MRE11: variants seen among roughly 807,000 people sequenced by gnomAD.
MRE11 encodes double-strand break repair protein MRE11.
Under a neutral mutation model 91.7 loss-of-function variants are expected in MRE11, and 62 were observed. That is an observed-to-expected ratio of 0.68 (90% confidence interval 0.55 to 0.84). The LOEUF is 0.84. Among genes scored for constraint, MRE11 ranks in the 40% least tolerant of loss-of-function variants. The probability of loss-of-function intolerance (pLI) is 0.00; values close to 1 mark genes in which losing one functional copy is unlikely to be tolerated. For missense variants in MRE11, 796 were observed against 852.9 expected (o/e 0.93, Z 0.83); for synonymous variants, 273 against 271.4 (o/e 1.01, Z -0.06).
At chr11:94,423,633 CTG>C (rs1368817936) in intron 19 of MRE11, among the ~76,000 whole-genome samples, 5 of 152,232 alleles carry the variant, frequency 3.3e-5, no homozygotes, top group Non-Finnish European at 5.9e-5. Flanking sequence ...CCAAGCTGCC[CTG>C]CAGGAATGTG....
At chr11:94,428,619 T>C (rs1351601561) in intron 19 of MRE11, among the ~76,000 whole-genome samples, 2 of 152,046 alleles carry the variant, frequency 1.3e-5, no homozygotes, top group African/African-American at 4.8e-5. Context: ...ATCCCAGCAC[T>C]TTGGGAGGCC....
chr11:94,438,532 A>C (rs1425791359), intron 16 of MRE11, among the ~76,000 whole-genome samples: 1 of 152,168 alleles, frequency 6.6e-6, no homozygotes, highest in Non-Finnish European at 1.5e-5. Flanking sequence ...TCCAGTGATC[A>C]TGATGATTTC....
Position 94,421,343 on chromosome 11 carries a change from T to A in MRE11, c.2071-1162A>T, listed in dbSNP as rs143180962. 5.9e-4 allele frequency among the ~76,000 whole-genome samples: 90 copies of A among 152,344 alleles called. 3 individuals carry two copies. In the East Asian group the frequency reaches 0.015, roughly 26 times the overall value. ...TTCCAAATGTTAGCTAAATTAACTA[T>A]CTCTGATGAGTAATGGATGCCTTAA... On this transcript the variant is annotated intron_variant, in intron 19 of 19. Transcript: ENST00000323929.
At chr11:94,494,958 A>G (rs1257770058), upstream of MRE11, among the ~76,000 whole-genome samples, 5 of 152,192 alleles carry the variant, frequency 3.3e-5, no homozygotes, top group Non-Finnish European at 7.3e-5. Flanking sequence ...AAAAAGTGGA[A>G]GCTCCAGGAG....
chr11:94,478,294 GCT>G (rs1946923868), intron 6 of MRE11, among the ~76,000 whole-genome samples: 1 of 152,108 alleles, frequency 6.6e-6, no homozygotes, highest in Non-Finnish European at 1.5e-5. Context: ...TTCACTTCCT[GCT>G]CTTTCACTTG....
At chr11:94,472,415 G>A (rs13447628) in intron 7 of MRE11, among the ~76,000 whole-genome samples, 2 of 152,022 alleles carry the variant, frequency 1.3e-5, no homozygotes, top group South Asian at 2.1e-4. Context: ...GTTTAACCAA[G>A]CATTCATTTA....
intron 11 of MRE11, among the ~76,000 whole-genome samples, chr11:94,461,962 C>T (rs939860531): frequency 6.6e-6 from 1 of 152,108 alleles, no homozygotes; most frequent in Non-Finnish European, 1.5e-5. Context: ...GTAGTCCCAG[C>T]GACTCGGGAG....
intron 14 of MRE11, among the ~76,000 whole-genome samples, chr11:94,451,035 T>TCTAATCCCC (rs59302226): frequency 0.17 from 25,903 of 151,828 alleles, 2,933 homozygotes; most frequent in African/African-American, 0.32. Flanking sequence ...AGCTCACATC[T>TCTAATCCCC]ATACTTTGGG....
At chr11:94,477,507 G>T (rs957848885) in intron 6 of MRE11, among the ~76,000 whole-genome samples, 7 of 152,224 alleles carry the variant, frequency 4.6e-5, no homozygotes, top group African/African-American at 1.7e-4. Flanking sequence ...CTTTATATAC[G>T]GATTAGAGAG....
At position 94,485,394 on chromosome 11, in the gene MRE11, G is replaced by C. The variant is rs558285258; in HGVS notation, c.314+530C>G. 3.9e-5 allele frequency among the ~76,000 whole-genome samples: 6 copies of C among 152,034 alleles called. No individual in the cohort carries two copies. The East Asian group carries it at 5.8e-4, about 15-fold the overall frequency. On this transcript the variant is annotated intron_variant, in intron 4 of 19. Coordinates refer to ENST00000323929, the MANE Select transcript of MRE11 (RefSeq NM_005591.4). Reference sequence around the variant, plus strand: ...AAAAATTAAATATTTCTGTCAACAAGAGTCCATAAACAAAGTCAAAAGACA... The same window carrying C: ...AAAAATTAAATATTTCTGTCAACAACAGTCCATAAACAAAGTCAAAAGACA...
Position 94,492,834 on chromosome 11 carries a change from G to A in MRE11, c.-33C>T. 1.2e-6 allele frequency: 2 copies of A among 1,608,724 alleles called. No homozygotes were observed. Among genetic ancestry groups the A allele is most frequent in the Non-Finnish European group, 1.7e-6 (2 of 1,176,098 alleles). ...GTCAGTCAAGCTCCTCTGGGACCAG[G>A]TTCTTCTCCAAGAACCCCTGGGTAC... On this transcript the variant is annotated 5_prime_UTR_variant, in exon 2 of 20. Transcript: ENST00000323929.
chr11:94,491,733 G>A (rs1947288788), intron 2 of MRE11, among the ~76,000 whole-genome samples: 5 of 151,972 alleles, frequency 3.3e-5, no homozygotes, highest in Admixed American at 3.3e-4. Context: ...GAAAACTCAG[G>A]CTATTTTCAA....
At chr11:94,497,603 T>C (rs1300811226), upstream of MRE11, 1 of 156,712 alleles carries the variant, frequency 6.4e-6, no homozygotes, top group African/African-American at 2.4e-5. Flanking sequence ...AATTGAGCTC[T>C]TGAATCCCTA....
At chr11:94,485,522 A>C (rs11020798) in intron 4 of MRE11, among the ~76,000 whole-genome samples, 12,016 of 152,124 alleles carry the variant, frequency 0.079, 585 homozygotes, top group South Asian at 0.18. Context: ...AAAAATCTCA[A>C]TTTTTAAAAT....
the MRE11 span, among the ~76,000 whole-genome samples, chr11:94,504,933 T>C: frequency 6.6e-6 from 1 of 152,204 alleles, no homozygotes; most frequent in Non-Finnish European, 1.5e-5. Context: ...GGGTAAATGA[T>C]GTATCGCCTA....
the MRE11 span, among the ~76,000 whole-genome samples, chr11:94,511,242 G>C: frequency 2.6e-5 from 4 of 152,134 alleles, no homozygotes; most frequent in South Asian, 8.3e-4. Context: ...AAGAGAGAGC[G>C]ATCTCCTGCT....
intron 9 of MRE11, among the ~76,000 whole-genome samples, chr11:94,468,624 G>A (rs921413054): frequency 2.0e-5 from 3 of 152,112 alleles, no homozygotes; most frequent in Non-Finnish European, 4.4e-5. Flanking sequence ...AAGTGTTTTT[G>A]TCCTCAGATT....
intron 1 of MRE11, among the ~76,000 whole-genome samples, chr11:94,493,193 A>G (rs1565243753): frequency 6.6e-6 from 1 of 152,172 alleles, no homozygotes; most frequent in Non-Finnish European, 1.5e-5. Context: ...ATGGGCAGAA[A>G]GGGTCACATA....
chr11:94,438,824 T>C (rs1945696455), intron 16 of MRE11, among the ~76,000 whole-genome samples: 2 of 152,202 alleles, frequency 1.3e-5, no homozygotes, highest in Non-Finnish European at 2.9e-5. Context: ...AAAACAGTGT[T>C]AATACTTCAT....
Sources: gnomAD v4.1 joint callset for allele counts (sites outside exome capture counted in the v4.1 genomes callset) on GRCh38, gnomAD v4.1.1 for gene constraint, MANE v1.5 for transcripts, NCBI Gene and HGNC (gene_info 2026-07-23, HGNC 2026-07-21) for gene names.